Variants in ANO3 observed in about 807,000 individuals in gnomAD.
ANO3 encodes anoctamin-3.
In ANO3, 99 loss-of-function variants were observed where a neutral mutation model predicts 144.8. The observed-to-expected ratio is 0.68, with a 90% CI of 0.58 to 0.81. ANO3 has a LOEUF of 0.81. Among genes scored for constraint, ANO3 ranks in the 30% least tolerant of loss-of-function variants. The pLI is 0.00. For synonymous variants in ANO3, 414 were observed against 392.6 expected, an observed-to-expected ratio of 1.05 and a Z score of -0.64; for missense variants, 905 against 1,202.2, an observed-to-expected ratio of 0.75 and a Z score of 3.66.
At chr11:26,596,222 CTCA>C (rs1851624313) in intron 14 of ANO3, among the ~76,000 whole-genome samples, 1 of 152,122 alleles carries the variant, frequency 6.6e-6, no homozygotes, top group Middle Eastern at 3.4e-3. Context: ...CTCTGTTTGA[CTCA>C]TCTTTTGTCT....
intron 1 of ANO3, among the ~76,000 whole-genome samples, chr11:26,429,740 A>G (rs1858024988): frequency 6.6e-6 from 1 of 152,236 alleles, no homozygotes; most frequent in African/African-American, 2.4e-5. Context: ...TCATTAAACA[A>G]GACAAAGAAG....
intron 1 of ANO3, among the ~76,000 whole-genome samples, chr11:26,236,951 A>G (rs1852545130): frequency 3.3e-5 from 5 of 152,076 alleles, no homozygotes; most frequent in Admixed American, 2.6e-4. Flanking sequence ...GGGAAAATAT[A>G]TATTTGCGTT....
chr11:26,601,285 C>G (rs1851793203), intron 17 of ANO3, among the ~76,000 whole-genome samples: 1 of 152,032 alleles, frequency 6.6e-6, no homozygotes, highest in African/African-American at 2.4e-5. Flanking sequence ...CTTGTTTAGC[C>G]TGGAGGGAGT....
chr11:26,443,819 T>A lies in ANO3; in HGVS notation c.296T>A (p.Leu99His). ...GTGCTGAGATGTTCATTTGCTGACC[T>A]CAGCGATTTTTGTTTGGGTAAGTTG... ...DSVLRCSFADLSDFCLALGKD... is the reference protein window; with the variant it reads ...DSVLRCSFADHSDFCLALGKD... The change falls in exon 3 of 27, where the codon CTC becomes CAC. Residue 99 changes from leucine (L) to histidine (H), a missense_variant. Leu to His is a moderately conservative substitution (Grantham distance 99). Around this residue, in one of 4 missense-constraint regions of ANO3, gnomAD observed 174 missense variants for 171.9 expected, o/e 1.01. Transcript: ENST00000256737. 1 of 1,611,994 alleles carries A rather than the reference T, an allele frequency of 6.2e-7. No homozygotes were observed. The highest frequency in any genetic ancestry group is 2.2e-5 in the East Asian group (1 of 44,792).
chr11:26,657,162 C>T (rs1853715345), intron 26 of ANO3, among the ~76,000 whole-genome samples: 1 of 152,088 alleles, frequency 6.6e-6, no homozygotes, highest in Admixed American at 6.6e-5. Context: ...TATATGGCCA[C>T]ACCAATTAAT....
chr11:26,610,565 T>G (rs933250108), intron 17 of ANO3, among the ~76,000 whole-genome samples: 7 of 152,290 alleles, frequency 4.6e-5, no homozygotes, highest in African/African-American at 1.7e-4. Context: ...TTGTTTCCTG[T>G]GCTTTTGCAG....
chr11:26,592,542 C>G (rs1851484093), intron 14 of ANO3, among the ~76,000 whole-genome samples: 1 of 150,512 alleles, frequency 6.6e-6, no homozygotes, highest in Non-Finnish European at 1.5e-5. Context: ...TCTACCCAGA[C>G]TAGTAGATAC....
chr11:26,301,339 A>G (rs1854228099), intron 1 of ANO3, among the ~76,000 whole-genome samples: 1 of 152,184 alleles, frequency 6.6e-6, no homozygotes, highest in Non-Finnish European at 1.5e-5. Flanking sequence ...GAGCTTTCTG[A>G]GTCTGTAGTT....
intron 3 of ANO3, among the ~76,000 whole-genome samples, chr11:26,453,353 C>T (rs1412675572): frequency 2.6e-5 from 4 of 151,776 alleles, no homozygotes; most frequent in Admixed American, 1.3e-4. Context: ...TGCAGAGACA[C>T]ACATAGGCTC....
chr11:26,572,227 A>G (rs562382081), intron 14 of ANO3: 2 of 985,500 alleles, frequency 2.0e-6, no homozygotes, highest in East Asian at 1.1e-4. Context: ...CAGAGCGCCC[A>G]GGAACCTGAC....
intron 1 of ANO3, among the ~76,000 whole-genome samples, chr11:26,323,702 A>G (rs1319791922): frequency 6.6e-6 from 1 of 152,202 alleles, no homozygotes; most frequent in Non-Finnish European, 1.5e-5. Flanking sequence ...TTATGGAGTA[A>G]GGACCTAAAA....
intron 1 of ANO3, among the ~76,000 whole-genome samples, chr11:26,310,170 T>C (rs1590250909): frequency 6.6e-6 from 1 of 152,168 alleles, no homozygotes; most frequent in Non-Finnish European, 1.5e-5. Flanking sequence ...TAGCTACATA[T>C]ATAAAATAGC....
At chr11:26,336,233 T>C (rs971624522) in intron 1 of ANO3, among the ~76,000 whole-genome samples, 5 of 152,166 alleles carry the variant, frequency 3.3e-5, no homozygotes, top group Non-Finnish European at 7.3e-5. Context: ...AAGACAATGA[T>C]AGTTTTGGCT....
intron 14 of ANO3, chr11:26,561,258 G>A (rs748129866): frequency 7.3e-6 from 11 of 1,508,600 alleles, no homozygotes; most frequent in Non-Finnish European, 9.8e-6. Flanking sequence ...CTGTTTCACA[G>A]TGATACTCTG....
intron 15 of ANO3, 63 bp from the exon 16 acceptor site, chr11:26,598,795 C>T: frequency 6.5e-7 from 1 of 1,539,318 alleles, no homozygotes. Context: ...CGTATCAATT[C>T]TTGGGGGTAT....
chr11:26,411,523 G>C (rs1055358110), intron 1 of ANO3, among the ~76,000 whole-genome samples: 1 of 151,888 alleles, frequency 6.6e-6, no homozygotes, highest in Admixed American at 6.6e-5. Flanking sequence ...ACCATGCTAA[G>C]AAAATTTTAC....
At chr11:26,387,088 A>AAG (rs1282188100) in intron 1 of ANO3, among the ~76,000 whole-genome samples, 3 of 150,546 alleles carry the variant, frequency 2.0e-5, no homozygotes, top group Non-Finnish European at 3.0e-5. Flanking sequence ...GACAGAGAGA[A>AAG]AGAGAGAGAG....
upstream of ANO3, among the ~76,000 whole-genome samples, chr11:26,306,356 C>T (rs953365322): frequency 6.6e-6 from 1 of 151,942 alleles, no homozygotes; most frequent in Admixed American, 6.5e-5. Context: ...CAATCTGTAT[C>T]TCCTAACCTT....
At chr11:26,541,608 A>T (rs910840806) in intron 10 of ANO3, among the ~76,000 whole-genome samples, 2 of 145,330 alleles carry the variant, frequency 1.4e-5, no homozygotes, top group Non-Finnish European at 3.0e-5. Flanking sequence ...TGAACTAAAG[A>T]TTATCACAAT....
Sources: allele counts gnomAD v4.1 joint callset (sites outside exome capture counted in the v4.1 genomes callset), GRCh38; gene constraint gnomAD v4.1.1; regional missense constraint gnomAD v4.1.1; transcripts MANE v1.5; gene names NCBI Gene and HGNC (gene_info 2026-07-23, HGNC 2026-07-21).